The following TEX11 variants were observed in gnomAD, a reference collection of about 807,000 sequenced individuals.
TEX11 encodes the protein testis-expressed protein 11.
In TEX11, 7 loss-of-function variants were observed where a neutral mutation model predicts 84.4. That is an observed-to-expected ratio of 0.08 (90% CI 0.05 to 0.16). TEX11 has a LOEUF of 0.16. Ranked by LOEUF, TEX11 falls within the 10% of genes least tolerant of loss-of-function variation. The probability of loss-of-function intolerance (pLI) is 1.00; values close to 1 mark genes in which losing one functional copy is unlikely to be tolerated. For synonymous variants in TEX11, 264 were observed against 222.8 expected, an observed-to-expected ratio of 1.18 and a Z score of -1.64; for missense variants, 551 against 660.5, an observed-to-expected ratio of 0.83 and a Z score of 1.82.
chrX:70,853,225 G>A (rs753291506), intron 6 of TEX11, 23 bp downstream of exon 6: 2 of 1,206,634 alleles, frequency 1.7e-6, no homozygotes, highest in Admixed American at 4.4e-5. Flanking sequence ...AATTGCCTCA[G>A]CTAAAAGTCA....
intron 10 of TEX11, among the ~76,000 whole-genome samples, chrX:70,742,757 A>G (rs2090742003): frequency 9.1e-6 from 1 of 110,044 alleles, no homozygotes; most frequent in African/African-American, 3.3e-5. Flanking sequence ...GAGTCTTACT[A>G]TGTTGCCCAG....
intron 2 of TEX11, among the ~76,000 whole-genome samples, chrX:70,892,147 A>AAAAT (rs760964600): frequency 9.0e-6 from 1 of 111,579 alleles, no homozygotes; most frequent in African/African-American, 3.3e-5. Flanking sequence ...TTCATAAGCA[A>AAAAT]AAATAAATAA....
chrX:70,533,609 T>G (rs1446216979), intron 28 of TEX11, among the ~76,000 whole-genome samples: 1 of 111,395 alleles, frequency 9.0e-6, no homozygotes, highest in African/African-American at 3.3e-5. Context: ...CCATCATATT[T>G]GCCTAGACGG....
At chrX:70,626,122 C>CT (rs1464045998) in intron 18 of TEX11, among the ~76,000 whole-genome samples, 2 of 111,323 alleles carry the variant, frequency 1.8e-5, no homozygotes, top group Admixed American at 9.6e-5. Flanking sequence ...AAATTTTACT[C>CT]TAACAATTAC....
chrX:70,855,229 T>C (rs2091529661), intron 5 of TEX11, among the ~76,000 whole-genome samples: 1 of 110,557 alleles, frequency 9.0e-6, no homozygotes, highest in African/African-American at 3.3e-5. Context: ...TCATCCATCA[T>C]AATAGCAAAT....
chrX:70,577,144 C>A (rs771257762), intron 25 of TEX11, among the ~76,000 whole-genome samples: 12 of 111,555 alleles, frequency 1.1e-4, no homozygotes, highest in African/African-American at 3.9e-4. Context: ...CATGTATCAT[C>A]TGCAAGTAGA....
intron 7 of TEX11, among the ~76,000 whole-genome samples, chrX:70,850,626 A>T (rs186949269): frequency 1.2e-4 from 13 of 110,494 alleles, no homozygotes; most frequent in African/African-American, 4.3e-4. Context: ...ACAGTGGCAT[A>T]CACCCATAGT....
the TEX11 span, among the ~76,000 whole-genome samples, chrX:70,519,494 A>G: frequency 6.4e-4 from 72 of 112,117 alleles, no homozygotes; most frequent in Non-Finnish European, 1.1e-3. Context: ...TGTTAGTCCA[A>G]TGGGCTTCCC....
chrX:70,678,664 T>C (rs2090096855), intron 15 of TEX11, 140 bp downstream of exon 15: 1 of 491,114 alleles, frequency 2.0e-6, no homozygotes, highest in Non-Finnish European at 3.4e-6. Context: ...ACACTCTATA[T>C]TGTGAATATT....
chrX:70,853,250 C>T lies in TEX11; in HGVS notation c.403G>A (p.Ala135Thr). 8.3e-7 allele frequency: 1 copy of T among 1,209,831 alleles called. No homozygotes were observed. The highest frequency in any genetic ancestry group is 1.8e-5 in the South Asian group (1 of 56,909). Residue 135 changes from alanine (A) to threonine (T), a missense_variant and splice_region_variant, in exon 6 of 30, where the codon GCC becomes ACC. Coordinates refer to ENST00000374333, the MANE Select transcript of TEX11 (RefSeq NM_031276.3). ...IADECFQAAVASLEQLYVKLI... is the reference protein window; with the variant it reads ...IADECFQAAVTSLEQLYVKLI... ...GCTAAAAGTCAATGGTAACTTACGG[C>T]CACAGCAGCTTGAAAACATTCATCA...
intron 13 of TEX11, among the ~76,000 whole-genome samples, chrX:70,706,933 A>G (rs1296589525): frequency 9.0e-6 from 1 of 111,425 alleles, no homozygotes; most frequent in Non-Finnish European, 1.9e-5. Flanking sequence ...CCTATATCAT[A>G]TAGTCCTTTA....
At chrX:70,548,836 C>G (rs1290136064) in intron 28 of TEX11, among the ~76,000 whole-genome samples, 1 of 111,633 alleles carries the variant, frequency 9.0e-6, no homozygotes, top group African/African-American at 3.3e-5. Flanking sequence ...GTCTAGGCCA[C>G]AAGGACTGCA....
intron 28 of TEX11, 27 bp from the exon 29 acceptor site, chrX:70,530,026 A>G: frequency 2.6e-6 from 3 of 1,168,146 alleles, no homozygotes. Flanking sequence ...GAAATTTTGC[A>G]GTTATTACTG....
intron 25 of TEX11, among the ~76,000 whole-genome samples, chrX:70,580,932 T>C (rs2088763744): frequency 1.1e-5 from 1 of 91,835 alleles, no homozygotes; most frequent in Non-Finnish European, 2.1e-5. Context: ...AATCATTGGA[T>C]ACCTACATAA....
intron 8 of TEX11, among the ~76,000 whole-genome samples, chrX:70,817,232 CACACACACACACATATATATAT>C (rs1238484197): frequency 2.2e-3 from 193 of 85,819 alleles, no homozygotes; most frequent in South Asian, 0.013. Context: ...CATACACATA[CACACACACACACATATATATAT>C]ACACACACAC....
intron 28 of TEX11, among the ~76,000 whole-genome samples, chrX:70,538,984 T>C (rs2147932831): frequency 1.0e-5 from 1 of 98,307 alleles, no homozygotes; most frequent in East Asian, 3.2e-4. Flanking sequence ...ATAAATGACC[T>C]TCTCAAACTT....
Position 70,822,622 on chromosome X carries a change from A to G in TEX11, c.606+10891T>C, listed in dbSNP as rs890404063. ...TATAAAGGAATACCTGAGGAAGAGT[A>G]ACTTTTTTTCACATTTTCTGTCACT... On this transcript the variant is annotated intron_variant, in intron 8 of 29. Transcript: ENST00000374333. Among the ~76,000 whole-genome samples the G allele has an allele frequency of 2.7e-5, 3 of 111,473 alleles. No homozygotes were observed. The East Asian group carries it at 8.5e-4, about 31-fold the overall frequency.
At chrX:70,679,181 T>C (rs913798591) in intron 14 of TEX11, among the ~76,000 whole-genome samples, 17 of 112,892 alleles carry the variant, frequency 1.5e-4, no homozygotes, top group Middle Eastern at 4.6e-3. Context: ...CCGCGAGTGA[T>C]CCGCCAGCCT....
intron 25 of TEX11, among the ~76,000 whole-genome samples, chrX:70,562,737 G>C (rs1335908132): frequency 1.8e-5 from 2 of 111,927 alleles, no homozygotes; most frequent in African/African-American, 6.5e-5. Flanking sequence ...TGTGAAAAAT[G>C]CATAGAATTG....
Sources: allele counts gnomAD v4.1 joint callset (sites outside exome capture counted in the v4.1 genomes callset), GRCh38; gene constraint gnomAD v4.1.1; transcripts MANE v1.5; gene names NCBI Gene and HGNC (gene_info 2026-07-23, HGNC 2026-07-21).